The following IRF8 variants were observed in gnomAD, a reference collection of about 807,000 sequenced individuals.
The protein encoded by IRF8 is interferon consensus sequence binding protein 1.
In IRF8, 14 loss-of-function variants were observed where a neutral mutation model predicts 48.7. The ratio of observed to expected loss-of-function variants is 0.29; its 90% CI spans 0.19 to 0.45. The LOEUF (loss-of-function observed/expected upper bound fraction) is 0.45, where lower values mean the gene tolerates loss of function less well. Among genes scored for constraint, IRF8 ranks in the 20% least tolerant of loss-of-function variants. The probability of loss-of-function intolerance (pLI) is 1.00; values close to 1 mark genes in which losing one functional copy is unlikely to be tolerated. For missense variants in IRF8, 493 were observed against 580.7 expected (o/e 0.85, Z 1.55); for synonymous variants, 278 against 227.3 (o/e 1.22, Z -2.01).
At chr16:85,911,952 C>T (rs770911152) in intron 4 of IRF8, among the ~76,000 whole-genome samples, 30 of 152,346 alleles carry the variant, frequency 2.0e-4, no homozygotes, top group African/African-American at 6.5e-4. Flanking sequence ...CCAAACTGTT[C>T]GAACACTTTG....
Position 85,911,781 on chromosome 16 carries a change from G to C in IRF8, c.447+123G>C, listed in dbSNP as rs117121231. The C allele has an allele frequency of 7.1e-3, 5,514 of 772,058 alleles. 171 individuals carry two copies. The highest frequency in any genetic ancestry group is 0.062 in the Admixed American group (3,085 of 49,434). 47.8% of individuals were successfully genotyped at this position (772,058 alleles called of 1,614,324 possible). A position where few individuals can be genotyped will look rare whatever the true frequency, so the allele number is the denominator to read the frequency against. On this transcript the variant is annotated intron_variant, in intron 4 of 8. Transcript: ENST00000268638. ...AGACCCTCGGGCTCGCTGAGGAAGT[G>C]GCATCTCCACCTGTACAGATCTGGA...
chr16:85,900,170 G>C (rs1904785206), intron 1 of IRF8, among the ~76,000 whole-genome samples: 1 of 152,210 alleles, frequency 6.6e-6, no homozygotes, highest in East Asian at 1.9e-4. Context: ...TGCTAGGCCA[G>C]AGCGAGTGCC....
rs898565904 is a variant in IRF8 at position 85,921,426 on chromosome 16, G to A, written c.*144G>A. 19 of 876,740 alleles carry A rather than the reference G, an allele frequency of 2.2e-5. No homozygotes were observed. The highest frequency in any genetic ancestry group is 1.7e-4 in the South Asian group (12 of 71,876). 54.3% of individuals were successfully genotyped at this position (876,740 alleles called of 1,614,324 possible). ...CACTTAATTTAATAAGGGCATTCTC[G>A]GAGGAGTAGACGTTTAATACGAAGT... is the stretch of plus-strand genomic sequence containing the variant. On this transcript the variant is annotated 3_prime_UTR_variant, in exon 9 of 9. Coordinates refer to ENST00000268638, the MANE Select transcript of IRF8 (RefSeq NM_002163.4).
At chr16:85,912,162 A>G (rs951670166) in intron 4 of IRF8, among the ~76,000 whole-genome samples, 23 of 152,364 alleles carry the variant, frequency 1.5e-4, no homozygotes, top group African/African-American at 5.3e-4. Flanking sequence ...ATAACCAAGC[A>G]TGTTCACATT....
intron 2 of IRF8, among the ~76,000 whole-genome samples, chr16:85,904,923 A>G (rs1341532561): frequency 1.4e-5 from 2 of 146,814 alleles, no homozygotes; most frequent in African/African-American, 5.1e-5. Flanking sequence ...ACTCTGCATT[A>G]TAGATAACCC....
At position 85,908,656 on chromosome 16, in the gene IRF8, C is replaced by G. The variant is rs140444566; in HGVS notation, c.175-334C>G. Among the ~76,000 whole-genome samples, 117 of 152,344 alleles carry G rather than the reference C, an allele frequency of 7.7e-4. 1 individual carries two copies. Among genetic ancestry groups the G allele is most frequent in the South Asian group, 6.4e-3 (31 of 4,826 alleles). On this transcript the variant is annotated intron_variant, in intron 2 of 8. Transcript: ENST00000268638. ...CAACTTCCTCTTTGTGCTGTGTAAA[C>G]CTCAGGTGTCTCCAGCTCTTCAGCC...
At chr16:85,915,490 G>A (rs1905274350) in intron 6 of IRF8, among the ~76,000 whole-genome samples, 1 of 152,266 alleles carries the variant, frequency 6.6e-6, no homozygotes. Context: ...CCCTGTCCAT[G>A]AAGCTCTTGT....
chr16:85,917,092 A>G (rs1202439192), intron 6 of IRF8, among the ~76,000 whole-genome samples: 1 of 152,172 alleles, frequency 6.6e-6, no homozygotes, highest in Non-Finnish European at 1.5e-5. Flanking sequence ...GGGAGGGTCC[A>G]AGGAGTTCTG....
Position 85,913,132 on chromosome 16 carries a change from C to G in IRF8, c.449C>G (p.Pro150Arg), listed in dbSNP as rs1453162618. The G allele has an allele frequency of 8.7e-6, 14 of 1,613,336 alleles. No individual in the cohort carries two copies. The highest frequency in any genetic ancestry group is 1.2e-5 in the Non-Finnish European group (14 of 1,179,270). The part of the protein sequence containing the change: ...RSEIDELIKE[P>R]SVDDYMGMIK... ...CCTCTCCCTCCCCTGACTGTGCAGC[C>G]TTCTGTGGACGATTACATGGGGATG... Residue 150 changes from proline to arginine, a missense_variant and splice_region_variant, in exon 5 of 9, where the codon CCT becomes CGT. By Grantham distance (103) the Pro-to-Arg change is moderately radical. This residue lies in a region of IRF8 where 408 missense variants were observed against 449.6 expected (regional missense o/e 0.91). Transcript: ENST00000268638.
At chr16:85,899,410 C>T (rs1409123490) in intron 1 of IRF8, among the ~76,000 whole-genome samples, 187 bp downstream of exon 1, 1 of 152,236 alleles carries the variant, frequency 6.6e-6, no homozygotes, top group Non-Finnish European at 1.5e-5. Context: ...TCTGAATGCC[C>T]AAGTCGTTGA....
chr16:85,908,743 C>T (rs1175288710), intron 2 of IRF8, among the ~76,000 whole-genome samples: 1 of 152,196 alleles, frequency 6.6e-6, no homozygotes, highest in Non-Finnish European at 1.5e-5. Flanking sequence ...CTGGGTTCGA[C>T]TTCTGACTCA....
Position 85,902,925 on chromosome 16 carries a change from CCT to C in IRF8, c.-1-87_-1-86del, listed in dbSNP as rs1904871337. On this transcript the variant is annotated intron_variant, in intron 1 of 8. Transcript: ENST00000268638. ...CCCAAGCCAGCACCTTTGCTGCAAA[CCT>C]CTGAGTTTCCTGTTAGCAGTTTTTG... 7.7e-6 allele frequency: 11 copies of C among 1,426,122 alleles called. 1 individual carries two copies. In the South Asian group the frequency reaches 1.3e-4, roughly 16 times the overall value. 88.3% of individuals were successfully genotyped at this position (1,426,122 alleles called of 1,614,324 possible).
In IRF8 at chr16:85,918,479, A is replaced by G; in HGVS notation, c.664A>G (p.Thr222Ala). Residue 222 changes from threonine to alanine, a missense_variant, in exon 7 of 9, where the codon ACC (threonine) becomes GCC (alanine). Thr to Ala is a moderately conservative substitution (Grantham distance 58). This residue lies in a region of IRF8 where 408 missense variants were observed against 449.6 expected (regional missense o/e 0.91). Coordinates refer to ENST00000268638, the MANE Select transcript of IRF8 (RefSeq NM_002163.4). ...GGKLVGQATT[T>A]CPEGCRLSLS... ...CAAGCTGGTGGGCCAGGCCACCACC[A>G]CCTGCCCCGAGGGCTGCCGCCTGTC... The G allele has an allele frequency of 2.5e-6, 4 of 1,590,244 alleles. No individual in the cohort carries two copies. Among genetic ancestry groups the G allele is most frequent in the Non-Finnish European group, 3.4e-6 (4 of 1,174,634 alleles).
At chr16:85,913,775 C>T (rs967141092) in intron 5 of IRF8, among the ~76,000 whole-genome samples, 6 of 152,222 alleles carry the variant, frequency 3.9e-5, no homozygotes, top group African/African-American at 1.4e-4. Flanking sequence ...TTTATTCATC[C>T]GTAAAACAGA....
At chr16:85,901,927 AT>A (rs58626896) in intron 1 of IRF8, among the ~76,000 whole-genome samples, 8,108 of 130,746 alleles carry the variant, frequency 0.062, 216 homozygotes, top group African/African-American at 0.079. Flanking sequence ...CAAAAATGCT[AT>A]TTTTTTTTTT....
chr16:85,919,945 T>C (rs1368704759), intron 7 of IRF8, among the ~76,000 whole-genome samples, 164 bp from the exon 8 acceptor site: 1 of 152,180 alleles, frequency 6.6e-6, no homozygotes, highest in Non-Finnish European at 1.5e-5. Flanking sequence ...AACGAACAGC[T>C]CCTTGCTTGG....
intron 2 of IRF8, among the ~76,000 whole-genome samples, chr16:85,904,048 A>G (rs969721071): frequency 6.6e-6 from 1 of 152,168 alleles, no homozygotes; most frequent in African/African-American, 2.4e-5. Context: ...GGGCTATCGA[A>G]TCCCTTGTGG....
Position 85,918,402 on chromosome 16 carries a change from C to A in IRF8, c.602-15C>A. The A allele has an allele frequency of 1.3e-6, 2 of 1,594,100 alleles. No individual in the cohort carries two copies. The highest frequency in any genetic ancestry group is 1.1e-5 in the South Asian group (1 of 90,378). On this transcript the variant is annotated splice_polypyrimidine_tract_variant and intron_variant, in intron 6 of 8. Coordinates refer to ENST00000268638, the MANE Select transcript of IRF8 (RefSeq NM_002163.4). ...TCTCCCCGCAGCACCGTCATCGTGT[C>A]CCTCTTGTCCACAGCATTCTCCCAG...
At chr16:85,899,580 T>C (rs1904759799) in intron 1 of IRF8, among the ~76,000 whole-genome samples, 1 of 152,272 alleles carries the variant, frequency 6.6e-6, no homozygotes, top group African/African-American at 2.4e-5. Flanking sequence ...CCCACTGAAA[T>C]TCTACCACGT....
Sources: gnomAD v4.1 joint callset for allele counts (sites outside exome capture counted in the v4.1 genomes callset) on GRCh38, gnomAD v4.1.1 for gene constraint, gnomAD v4.1.1 regional missense constraint, MANE v1.5 for transcripts, NCBI Gene and HGNC (gene_info 2026-07-23, HGNC 2026-07-21) for gene names.